The following LRMDA variants were observed in gnomAD, a reference collection of about 807,000 sequenced individuals.
LRMDA encodes the protein leucine-rich melanocyte differentiation-associated protein.
A neutral mutation model predicts 29.8 loss-of-function variants in LRMDA; 18 were observed. That is an observed-to-expected ratio of 0.60 (90% CI 0.42 to 0.90). The LOEUF (loss-of-function observed/expected upper bound fraction) is 0.90, where lower values mean the gene tolerates loss of function less well. LRMDA is among the 40% of genes least tolerant of loss of function. The pLI is 0.00. For missense variants in LRMDA, 273 were observed against 273.9 expected, an observed-to-expected ratio of 1.00 and a Z score of 0.02; for synonymous variants, 125 against 109.4, an observed-to-expected ratio of 1.14 and a Z score of -0.89.
intron 6 of LRMDA, among the ~76,000 whole-genome samples, chr10:76,430,124 A>C (rs1046906715): frequency 3.3e-5 from 5 of 152,230 alleles, no homozygotes; most frequent in Non-Finnish European, 7.3e-5. Flanking sequence ...CAGCTTGAGA[A>C]ATATGTCGGA....
intron 2 of LRMDA, among the ~76,000 whole-genome samples, chr10:75,764,858 T>G (rs1211726053): frequency 6.6e-6 from 1 of 152,050 alleles, no homozygotes; most frequent in Non-Finnish European, 1.5e-5. Context: ...CATCCAGTCT[T>G]TTAGGAAACA....
At chr10:76,341,899 A>G (rs1165667217) in intron 6 of LRMDA, among the ~76,000 whole-genome samples, 4 of 152,174 alleles carry the variant, frequency 2.6e-5, no homozygotes, top group African/African-American at 4.8e-5. Context: ...CAGAAGTCAT[A>G]CAGCATTACT....
At position 76,096,995 on chromosome 10, in the gene LRMDA, T is replaced by TTTTTA. The variant is rs59018479; in HGVS notation, c.516+38241_516+38245dup. Among the ~76,000 whole-genome samples, 591 of 148,058 alleles carry TTTTTA rather than the reference T, an allele frequency of 4.0e-3. 3 individuals carry two copies. The highest frequency in any genetic ancestry group is 0.01 in the East Asian group (52 of 5,118). ...CAAATTGACAATCATGTTACTTTTA[T>TTTTTA]TTTTATTTTATTTTATTTTATTTTA... On this transcript the variant is annotated intron_variant, in intron 5 of 6. Coordinates refer to ENST00000611255, the MANE Select transcript of LRMDA (RefSeq NM_001305581.2).
chr10:76,076,576 A>G (rs75431309), intron 5 of LRMDA, among the ~76,000 whole-genome samples: 6,910 of 152,100 alleles, frequency 0.045, 531 homozygotes, highest in African/African-American at 0.16. Context: ...AATAAAGAGC[A>G]CTAAGATGGG....
intron 6 of LRMDA, among the ~76,000 whole-genome samples, chr10:76,475,001 T>C (rs1238115431): frequency 6.6e-6 from 1 of 151,852 alleles, no homozygotes; most frequent in East Asian, 1.9e-4. Context: ...AAATGCAGTA[T>C]ATTCTTACAG....
rs140646252 is a variant in LRMDA, at chr10:76,007,314, C to T, written c.132-28694C>T. ...TTCTCTCCTCTTGCTCCCCCTCTGA[C>T]GAATGGGAGGGAAGCAGACATCCTT... On this transcript the variant is annotated intron_variant, in intron 2 of 6. Coordinates refer to ENST00000611255, the MANE Select transcript of LRMDA (RefSeq NM_001305581.2). Among the ~76,000 whole-genome samples the T allele has an allele frequency of 2.4e-3, 364 of 151,814 alleles. 1 individual carries two copies. Among genetic ancestry groups the T allele is most frequent in the Admixed American group, 6.5e-3 (99 of 15,260 alleles).
chr10:76,047,370 T>C, intron 4 of LRMDA, 67 bp downstream of exon 4: 2 of 1,445,238 alleles, frequency 1.4e-6, no homozygotes, highest in South Asian at 2.8e-5. Flanking sequence ...GATGATATTA[T>C]ACTCTGGGGT....
intron 2 of LRMDA, among the ~76,000 whole-genome samples, chr10:75,914,374 G>T (rs1589251558): frequency 2.0e-5 from 3 of 152,182 alleles, no homozygotes; most frequent in Middle Eastern, 3.2e-3. Flanking sequence ...TATCCCATGT[G>T]CTGGGAAAAC....
At chr10:76,117,485 G>A (rs1485929484) in intron 5 of LRMDA, among the ~76,000 whole-genome samples, 1 of 152,184 alleles carries the variant, frequency 6.6e-6, no homozygotes. Context: ...GGCTTTGGGG[G>A]ATCAATTATG....
chr10:75,593,106 C>A (rs986229244), intron 2 of LRMDA, among the ~76,000 whole-genome samples: 1 of 152,136 alleles, frequency 6.6e-6, no homozygotes, highest in African/African-American at 2.4e-5. Flanking sequence ...GGAAAAGAGT[C>A]AACCTGGGGG....
chr10:76,073,352 A>G (rs955768150), intron 5 of LRMDA, among the ~76,000 whole-genome samples: 1 of 152,112 alleles, frequency 6.6e-6, no homozygotes, highest in Non-Finnish European at 1.5e-5. Context: ...ATCCTTTTCT[A>G]AATGTGTTCT....
intron 2 of LRMDA, among the ~76,000 whole-genome samples, chr10:75,465,578 A>G (rs1336637254): frequency 6.6e-6 from 1 of 152,210 alleles, no homozygotes. Context: ...GGTGGTAATG[A>G]CTGCAGCTCT....
At chr10:76,105,147 T>G (rs2132106957) in intron 5 of LRMDA, among the ~76,000 whole-genome samples, 1 of 152,332 alleles carries the variant, frequency 6.6e-6, no homozygotes. Flanking sequence ...TCTGTGTTTC[T>G]TTTTTCCAGA....
chr10:76,130,855 G>T (rs1342097249), intron 5 of LRMDA, among the ~76,000 whole-genome samples: 3 of 151,980 alleles, frequency 2.0e-5, no homozygotes, highest in African/African-American at 7.3e-5. Context: ...TAGAGACGGG[G>T]TTTCACCATG....
intron 2 of LRMDA, among the ~76,000 whole-genome samples, chr10:75,758,793 C>G (rs914559786): frequency 6.6e-5 from 10 of 152,062 alleles, no homozygotes; most frequent in African/African-American, 2.4e-4. Flanking sequence ...TCTTTCAGCT[C>G]AGCGGTTGTA....
At chr10:75,474,900 GGC>G (rs1844770863) in intron 2 of LRMDA, among the ~76,000 whole-genome samples, 1 of 152,138 alleles carries the variant, frequency 6.6e-6, no homozygotes, top group Non-Finnish European at 1.5e-5. Flanking sequence ...CCTAACACTT[GGC>G]GCTGGTCTCT....
chr10:76,156,180 TG>T (rs1239515693), intron 5 of LRMDA, among the ~76,000 whole-genome samples: 1 of 152,170 alleles, frequency 6.6e-6, no homozygotes, highest in Non-Finnish European at 1.5e-5. Flanking sequence ...CTTAGGTTAA[TG>T]GGGCTCTTTA....
At chr10:76,205,600 T>C (rs945762475) in intron 5 of LRMDA, among the ~76,000 whole-genome samples, 2 of 152,274 alleles carry the variant, frequency 1.3e-5, no homozygotes, top group South Asian at 2.1e-4. Flanking sequence ...TGGAGAATTG[T>C]CTGAATCATA....
chr10:76,448,693 G>T (rs1005773184), intron 6 of LRMDA, among the ~76,000 whole-genome samples: 1 of 151,868 alleles, frequency 6.6e-6, no homozygotes, highest in Non-Finnish European at 1.5e-5. Flanking sequence ...TTTTCCCAGA[G>T]AACCTGTTTT....
Sources: allele counts gnomAD v4.1 joint callset (sites outside exome capture counted in the v4.1 genomes callset), GRCh38; gene constraint gnomAD v4.1.1; transcripts MANE v1.5; gene names NCBI Gene and HGNC (gene_info 2026-07-23, HGNC 2026-07-21).